TBCE: variants seen among roughly 807,000 people sequenced by gnomAD.
TBCE encodes the protein tubulin folding cofactor E, also known as tubulin-specific chaperone E.
Under a neutral mutation model 77.0 loss-of-function variants are expected in TBCE, and 53 were observed. That is an observed-to-expected ratio of 0.69 (90% CI 0.55 to 0.87). The LOEUF (loss-of-function observed/expected upper bound fraction) is 0.87. TBCE is among the 40% of genes least tolerant of loss of function. TBCE has a pLI of 0.00. For missense variants in TBCE, 624 were observed against 622.4 expected, an observed-to-expected ratio of 1.00 and a Z score of -0.03; for synonymous variants, 235 against 241.3, an observed-to-expected ratio of 0.97 and a Z score of 0.24.
chr1:235,445,705 A>C (rs981842447), intron 15 of TBCE, among the ~76,000 whole-genome samples: 8 of 152,178 alleles, frequency 5.3e-5, no homozygotes, highest in African/African-American at 1.9e-4. Flanking sequence ...AAATTAAAAT[A>C]ATACTGGCTG....
Position 235,438,808 on chromosome 1 carries a change from C to CG in TBCE, c.1157dup (p.Ala388SerfsTer5). The CG allele has an allele frequency of 6.2e-7, 1 of 1,614,038 alleles. No individual in the cohort carries two copies. The highest frequency in any genetic ancestry group is 8.5e-7 in the Non-Finnish European group (1 of 1,180,018). Reference sequence around the variant, plus strand: ...GAGGCGGAGAGCTGAGCTTGACTACCGAAAAGCTTTTGGAAATGAGTGGAA... The same window carrying CG: ...GAGGCGGAGAGCTGAGCTTGACTACCGGAAAAGCTTTTGGAAATGAGTGGAA... On this transcript the variant is annotated frameshift_variant, in exon 13 of 17. Transcript: ENST00000642610. LOFTEE classifies it high-confidence loss of function.
Position 235,438,808 on chromosome 1 carries a change from C to G in TBCE, c.1156C>G (p.Arg386Gly), listed in dbSNP as rs755798626. 1 of 1,614,038 alleles carries G rather than the reference C, an allele frequency of 6.2e-7. No homozygotes were observed. Among genetic ancestry groups the G allele is most frequent in the East Asian group, 2.2e-5 (1 of 44,852 alleles). ...GAGGCGGAGAGCTGAGCTTGACTAC[C>G]GAAAAGCTTTTGGAAATGAGTGGAA... ...EERRRAELDY[R>G]KAFGNEWKQA... Residue 386 changes from arginine (R) to glycine (G), a missense_variant, in exon 13 of 17, where the codon CGA becomes GGA. Coordinates refer to ENST00000642610, the MANE Select transcript of TBCE (RefSeq NM_003193.5).
At chr1:235,385,148 G>A (rs1283227163) in intron 2 of TBCE, among the ~76,000 whole-genome samples, 4 of 152,104 alleles carry the variant, frequency 2.6e-5, no homozygotes, top group Non-Finnish European at 5.9e-5. Flanking sequence ...TCTTAATCCT[G>A]AATTCTAGTT....
At chr1:235,437,128 A>G (rs1342400208) in intron 11 of TBCE, among the ~76,000 whole-genome samples, 194 bp from the exon 12 acceptor site, 1 of 151,622 alleles carries the variant, frequency 6.6e-6, no homozygotes, top group East Asian at 1.9e-4. Flanking sequence ...ACTCCATCTC[A>G]AAAAACAAAA....
chr1:235,428,983 A>ATTT (rs1321641653), intron 6 of TBCE: 37 of 97,876 alleles, frequency 3.8e-4, no homozygotes, highest in African/African-American at 1.7e-3. Context: ...ATATATATAT[A>ATTT]TATTTTTTTT....
At chr1:235,380,907 T>A (rs1444553914) in intron 2 of TBCE, among the ~76,000 whole-genome samples, 1 of 152,130 alleles carries the variant, frequency 6.6e-6, no homozygotes, top group African/African-American at 2.4e-5. Context: ...TGCCTCAGTC[T>A]CTCGAGTAGC....
chr1:235,407,685 A>G (rs1029638130), intron 3 of TBCE, among the ~76,000 whole-genome samples: 3 of 152,164 alleles, frequency 2.0e-5, no homozygotes, highest in Admixed American at 2.0e-4. Flanking sequence ...TGGGTATGAC[A>G]AGAATGACCC....
intron 15 of TBCE, 90 bp downstream of exon 15, chr1:235,443,001 C>T: frequency 7.8e-7 from 1 of 1,287,614 alleles, no homozygotes; most frequent in Non-Finnish European, 1.1e-6. Context: ...ACTCATGTCT[C>T]AAAGTGTGGA....
intron 1 of TBCE, among the ~76,000 whole-genome samples, chr1:235,370,940 C>G (rs1269620176): frequency 6.8e-6 from 1 of 146,656 alleles, no homozygotes; most frequent in Non-Finnish European, 1.5e-5. Context: ...TGGGGTTTCA[C>G]CATGTTGGTC....
intron 4 of TBCE, among the ~76,000 whole-genome samples, chr1:235,416,827 G>A (rs1680139383): frequency 6.6e-6 from 1 of 152,150 alleles, no homozygotes; most frequent in African/African-American, 2.4e-5. Flanking sequence ...GAAATTATGA[G>A]ACAGCTTGGT....
intron 5 of TBCE, among the ~76,000 whole-genome samples, chr1:235,426,342 A>G (rs1482137639): frequency 6.6e-6 from 1 of 152,056 alleles, no homozygotes; most frequent in Non-Finnish European, 1.5e-5. Context: ...AGGCTACCGG[A>G]CACCCTCTCA....
intron 2 of TBCE, among the ~76,000 whole-genome samples, chr1:235,391,803 T>C (rs565775620): frequency 6.2e-4 from 94 of 151,660 alleles, no homozygotes; most frequent in African/African-American, 2.0e-3. Context: ...GATGGGGTTT[T>C]CCCGTGTTGG....
rs747560710 is a variant in TBCE, at chr1:235,438,838, G to T, written c.1186G>T (p.Ala396Ser). ...AGCTTTTGGAAATGAGTGGAAACAG[G>T]CTGGTGGACATAAGGATCCGGAAAA... is the stretch of plus-strand genomic sequence containing the variant. ...RKAFGNEWKQ[A>S]GGHKDPEKNR... Residue 396 changes from alanine (A) to serine (S), a missense_variant, in exon 13 of 17, where the codon GCT (alanine) becomes TCT (serine). Coordinates refer to ENST00000642610, the MANE Select transcript of TBCE (RefSeq NM_003193.5). 3 of 1,614,036 alleles carry T rather than the reference G, an allele frequency of 1.9e-6. No homozygotes were observed. The South Asian group carries it at 3.3e-5, about 18-fold the overall frequency.
intron 2 of TBCE, among the ~76,000 whole-genome samples, chr1:235,380,588 T>C (rs1298383531): frequency 1.3e-5 from 2 of 152,132 alleles, no homozygotes; most frequent in African/African-American, 2.4e-5. Context: ...TTTTTTGGTA[T>C]AAATTTACCT....
chr1:235,378,762 G>A (rs1677445275), intron 1 of TBCE, among the ~76,000 whole-genome samples: 8 of 152,206 alleles, frequency 5.3e-5, no homozygotes, highest in Admixed American at 5.2e-4. Context: ...TAGGGAGGCT[G>A]TGGCAGGAGA....
chr1:235,442,005 A>G (rs61836203), intron 14 of TBCE, 123 bp downstream of exon 14: 9 of 833,896 alleles, frequency 1.1e-5, no homozygotes, highest in African/African-American at 9.1e-5. Context: ...GTTTTAAATG[A>G]AAATTTTTTT....
At chr1:235,411,153 C>T (rs902766402) in intron 3 of TBCE, among the ~76,000 whole-genome samples, 7 of 152,204 alleles carry the variant, frequency 4.6e-5, no homozygotes, top group African/African-American at 1.4e-4. Context: ...TTACCCATCA[C>T]TCTTGTTTCT....
At chr1:235,430,868 G>A in intron 7 of TBCE, 64 bp downstream of exon 7, 2 of 1,273,794 alleles carry the variant, frequency 1.6e-6, no homozygotes, top group African/African-American at 1.5e-5. Context: ...GTTTAATAGA[G>A]AATTGTTAGT....
chr1:235,430,570 T>A, intron 6 of TBCE, 135 bp from the exon 7 acceptor site: 3 of 650,660 alleles, frequency 4.6e-6, no homozygotes, highest in Non-Finnish European at 8.0e-6. Context: ...AAGTGATTTT[T>A]AAAATATAAT....
Sources: allele counts gnomAD v4.1 joint callset (sites outside exome capture counted in the v4.1 genomes callset), GRCh38; gene constraint gnomAD v4.1.1; transcripts MANE v1.5; gene names NCBI Gene and HGNC (gene_info 2026-07-23, HGNC 2026-07-21).